NRXN3: variants seen among roughly 807,000 people sequenced by gnomAD.
NRXN3 encodes neurexin III.
NRXN3 carries 32 observed loss-of-function variants against 137.6 expected under a neutral mutation model. That is an observed-to-expected ratio of 0.23 (90% CI 0.18 to 0.31). The LOEUF is 0.31. NRXN3 is among the 10% of genes least tolerant of loss of function. NRXN3 has a pLI of 1.00. For synonymous variants in NRXN3, 798 were observed against 784.5 expected, an observed-to-expected ratio of 1.02 and a Z score of -0.29; for missense variants, 1,574 against 2,062.5, an observed-to-expected ratio of 0.76 and a Z score of 4.59.
chr14:79,438,852 A>G (rs904089569), intron 15 of NRXN3, among the ~76,000 whole-genome samples: 13 of 152,262 alleles, frequency 8.5e-5, no homozygotes, highest in African/African-American at 3.1e-4. Flanking sequence ...TGAGCCTCCA[A>G]GTAGAAGCCC....
chr14:78,913,220 AT>A (rs1386164001), intron 10 of NRXN3, among the ~76,000 whole-genome samples: 1 of 132,432 alleles, frequency 7.6e-6, no homozygotes, highest in Non-Finnish European at 1.6e-5. Context: ...TACCTCTAAG[AT>A]TTTTTTCTTT....
intron 10 of NRXN3, among the ~76,000 whole-genome samples, chr14:78,844,806 T>C (rs1464621507): frequency 6.6e-6 from 1 of 152,102 alleles, no homozygotes; most frequent in Non-Finnish European, 1.5e-5. Context: ...CCCTGACTAA[T>C]ATACTGAGTA....
chr14:79,484,636 G>A (rs1272143619), intron 16 of NRXN3, among the ~76,000 whole-genome samples: 1 of 152,042 alleles, frequency 6.6e-6, no homozygotes, highest in Non-Finnish European at 1.5e-5. Flanking sequence ...CTGACCCCTG[G>A]AGACATTTGA....
At chr14:78,865,291 A>G (rs560921734) in intron 10 of NRXN3, among the ~76,000 whole-genome samples, 129 of 152,358 alleles carry the variant, frequency 8.5e-4, no homozygotes, top group Middle Eastern at 6.8e-3. Flanking sequence ...TAACATTTCT[A>G]TGAAAATGGT....
At chr14:78,872,293 A>G (rs2099103416) in intron 10 of NRXN3, among the ~76,000 whole-genome samples, 1 of 147,928 alleles carries the variant, frequency 6.8e-6, no homozygotes, top group African/African-American at 2.5e-5. Flanking sequence ...ATATATATAC[A>G]TATTTTAATA....
chr14:79,765,597 T>G (rs575782358), intron 19 of NRXN3, among the ~76,000 whole-genome samples: 2 of 152,336 alleles, frequency 1.3e-5, no homozygotes, highest in East Asian at 3.9e-4. Flanking sequence ...TTAAATAGAT[T>G]GCTCATTTAT....
intron 15 of NRXN3, among the ~76,000 whole-genome samples, chr14:79,100,042 T>C (rs1429755526): frequency 6.6e-6 from 1 of 152,220 alleles, no homozygotes; most frequent in African/African-American, 2.4e-5. Context: ...ATGCTCATGC[T>C]AGGAGAAGGG....
At chr14:78,448,985 G>A (rs979026214) in intron 4 of NRXN3, among the ~76,000 whole-genome samples, 18 of 152,138 alleles carry the variant, frequency 1.2e-4, no homozygotes, top group Non-Finnish European at 2.1e-4. Flanking sequence ...CTCTGCAGTG[G>A]AATCTCCCCA....
intron 4 of NRXN3, among the ~76,000 whole-genome samples, chr14:78,518,351 A>T (rs1305087919): frequency 1.3e-5 from 2 of 152,160 alleles, no homozygotes; most frequent in Non-Finnish European, 2.9e-5. Flanking sequence ...CTTTATGTTT[A>T]GCATCACTTT....
At chr14:79,494,066 T>C (rs72690750) in intron 16 of NRXN3, among the ~76,000 whole-genome samples, 2 of 152,220 alleles carry the variant, frequency 1.3e-5, no homozygotes, top group Non-Finnish European at 2.9e-5. Flanking sequence ...TGTATTTTAA[T>C]TGAAATCTTA....
rs548171804 is a variant in NRXN3 at position 78,219,033 on chromosome 14, T to A, written c.-703-23358T>A. Reference sequence around the variant, plus strand: ...TCTGTGTCCAAGTCACCACTTGTTATAAGGACACCAGTTAGATTGGATTAG... The same window carrying A: ...TCTGTGTCCAAGTCACCACTTGTTAAAAGGACACCAGTTAGATTGGATTAG... On this transcript the variant is annotated intron_variant, in intron 1 of 20. Transcript: ENST00000335750. Among the ~76,000 whole-genome samples, 209 of 152,316 alleles carry A rather than the reference T, an allele frequency of 1.4e-3. 2 individuals carry two copies. The highest frequency in any genetic ancestry group is 4.8e-3 in the African/African-American group (201 of 41,576).
intron 8 of NRXN3, among the ~76,000 whole-genome samples, chr14:78,784,064 G>GAAAAA (rs11288913): frequency 1.0e-5 from 1 of 98,296 alleles, no homozygotes; most frequent in Non-Finnish European, 2.4e-5. Flanking sequence ...TAACACATGA[G>GAAAAA]AAAAAAAAAA....
chr14:79,123,956 C>T (rs2055943029), intron 15 of NRXN3, among the ~76,000 whole-genome samples: 1 of 152,096 alleles, frequency 6.6e-6, no homozygotes, highest in South Asian at 2.1e-4. Flanking sequence ...TATCTTAAGA[C>T]TCTAATCAAT....
chr14:78,778,784 CTTTCTTTCTT>C, intron 8 of NRXN3, among the ~76,000 whole-genome samples: 1 of 123,840 alleles, frequency 8.1e-6, no homozygotes, highest in African/African-American at 3.2e-5. Flanking sequence ...TTCTTTCTTT[CTTTCTTTCTT>C]TCTTTCTTTC....
intron 16 of NRXN3, among the ~76,000 whole-genome samples, chr14:79,623,712 C>T (rs1188693942): frequency 6.6e-6 from 1 of 152,174 alleles, no homozygotes; most frequent in South Asian, 2.1e-4. Context: ...GAACTACTAG[C>T]CTATCACCCA....
rs1316495007 is a variant in NRXN3 at position 78,180,719 on chromosome 14, C to A, written c.-704+10045C>A. Among the ~76,000 whole-genome samples the A allele has an allele frequency of 2.6e-5, 4 of 152,152 alleles. No individual in the cohort carries two copies. The East Asian group carries it at 7.7e-4, about 29-fold the overall frequency. On this transcript the variant is annotated intron_variant, in intron 1 of 20. Transcript: ENST00000335750. ...AGATGTGGAGGTCTCAGGATGGACC[C>A]TCTGGCTAGATCCTGGGCCCCATAA...
rs368441383 is a variant in NRXN3, at chr14:78,474,232, G to A, written c.758-170888G>A. 3.3e-5 allele frequency among the ~76,000 whole-genome samples: 5 copies of A among 152,258 alleles called. No homozygotes were observed. In the East Asian group the frequency reaches 7.7e-4, roughly 23 times the overall value. On this transcript the variant is annotated intron_variant, in intron 4 of 20. Transcript: ENST00000335750. Reference sequence around the variant, plus strand: ...GTAATTAACTTTCTGGTTATTTGTAGTTTTAGAAAAAAGAGCCACCATTCT... The same window carrying A: ...GTAATTAACTTTCTGGTTATTTGTAATTTTAGAAAAAAGAGCCACCATTCT...
chr14:78,988,230 C>T, intron 15 of NRXN3, 89 bp downstream of exon 15: 1 of 1,489,128 alleles, frequency 6.7e-7, no homozygotes, highest in Non-Finnish European at 9.4e-7. Context: ...AAGGATGGCT[C>T]TTCTGAAAGA....
At chr14:78,320,960 G>C (rs2079273566) in intron 4 of NRXN3, among the ~76,000 whole-genome samples, 1 of 151,756 alleles carries the variant, frequency 6.6e-6, no homozygotes, top group African/African-American at 2.4e-5. Flanking sequence ...TACTAAAAAT[G>C]CAAAAATTAC....
Sources: gnomAD v4.1 joint callset for allele counts (sites outside exome capture counted in the v4.1 genomes callset) on GRCh38, gnomAD v4.1.1 for gene constraint, MANE v1.5 for transcripts, NCBI Gene and HGNC (gene_info 2026-07-23, HGNC 2026-07-21) for gene names.